Variants in POLR3E observed in about 807,000 individuals in gnomAD.
POLR3E encodes the protein DNA-directed RNA polymerase III subunit RPC5.
A neutral mutation model predicts 96.6 loss-of-function variants in POLR3E; 41 were observed. That is an observed-to-expected ratio of 0.42 (90% CI 0.33 to 0.55). The LOEUF (loss-of-function observed/expected upper bound fraction) is 0.55. Ranked by LOEUF, POLR3E falls within the 20% of genes least tolerant of loss-of-function variation. The pLI, the probability that POLR3E is intolerant of heterozygous loss-of-function variation, is 0.06. For synonymous variants in POLR3E, 396 were observed against 383.6 expected, an observed-to-expected ratio of 1.03 and a Z score of -0.38; for missense variants, 849 against 952.1, an observed-to-expected ratio of 0.89 and a Z score of 1.43.
chr16:22,321,639 TGCA>T (rs1244040980), intron 13 of POLR3E, among the ~76,000 whole-genome samples: 4 of 152,228 alleles, frequency 2.6e-5, no homozygotes, highest in Non-Finnish European at 5.9e-5. Flanking sequence ...CCAAAAGTCT[TGCA>T]GCAAGGCAGC....
intron 6 of POLR3E, chr16:22,309,835 G>A (rs2048209381): frequency 5.7e-6 from 2 of 352,964 alleles, no homozygotes; most frequent in Admixed American, 4.0e-5. Flanking sequence ...TTATGACAGA[G>A]CAATTCCATT....
intron 3 of POLR3E, 44 bp from the exon 4 acceptor site, chr16:22,308,104 A>C (rs1320961213): frequency 2.0e-6 from 3 of 1,474,844 alleles, no homozygotes; most frequent in Non-Finnish European, 2.8e-6. Context: ...AGCTCTGGGC[A>C]TGGCTGGGCA....
At position 22,313,063 on chromosome 16, in the gene POLR3E, C is replaced by T. The variant is rs1051062742; in HGVS notation, c.365-557C>T. ...TTCTTGAAAGCCACATCCCTTGCAG[C>T]GGGAGGGAAAGTCATGATCTTTATC... On this transcript the variant is annotated intron_variant, in intron 6 of 20. Coordinates refer to ENST00000299853, the MANE Select transcript of POLR3E (RefSeq NM_018119.4). The surrounding 1 kb of genome is among the most constrained non-coding windows in gnomAD (Gnocchi z 4.1). Among the ~76,000 whole-genome samples the T allele has an allele frequency of 1.3e-5, 2 of 152,014 alleles. No individual in the cohort carries two copies. Among genetic ancestry groups the T allele is most frequent in the Non-Finnish European group, 2.9e-5 (2 of 68,012 alleles).
chr16:22,325,098 G>T (rs912765069), intron 16 of POLR3E, 107 bp from the exon 17 acceptor site: 34 of 868,152 alleles, frequency 3.9e-5, no homozygotes, highest in Admixed American at 2.8e-4. Context: ...CCAAGCCTGC[G>T]CTGTCAGTAA....
chr16:22,313,574 T>C lies in POLR3E; in HGVS notation c.365-46T>C. The C allele has an allele frequency of 7.5e-7, 1 of 1,325,400 alleles. No homozygotes were observed. The highest frequency in any genetic ancestry group is 1.1e-6 in the Non-Finnish European group (1 of 919,608). 82.1% of individuals were successfully genotyped at this position (1,325,400 alleles called of 1,614,324 possible). ...ACTTGGTGACTCTCTTGAGCCAAACTGGGTGGGTTTCTAGAGTTGAGTCCA... is the reference window on the plus strand; with the variant it reads ...ACTTGGTGACTCTCTTGAGCCAAACCGGGTGGGTTTCTAGAGTTGAGTCCA... On this transcript the variant is annotated intron_variant, in intron 6 of 20. Transcript: ENST00000299853. This position sits in a 1 kb window ranked among gnomAD's most constrained non-coding sequence, Gnocchi z 4.1.
chr16:22,328,472 A>C, intron 18 of POLR3E, 38 bp from the exon 19 acceptor site: 15 of 1,534,900 alleles, frequency 9.8e-6, no homozygotes, highest in African/African-American at 1.4e-5. Flanking sequence ...TCCATGGGGT[A>C]GAGATGGACA....
At position 22,322,325 on chromosome 16, in the gene POLR3E, CCCGGCCT is replaced by C. The variant is rs1332095760; in HGVS notation, c.987-524_987-518del. Among the ~76,000 whole-genome samples the C allele has an allele frequency of 6.6e-6, 1 of 152,130 alleles. No individual in the cohort carries two copies. Among genetic ancestry groups the C allele is most frequent in the East Asian group, 1.9e-4 (1 of 5,192 alleles). ...ATTCTCGTGCCCTGCTGTCCAAGGC[CCCGGCCT>C]TTCCTCTGAAGTTCCCTGAACCTTG... On this transcript the variant is annotated intron_variant, in intron 13 of 20. Transcript: ENST00000299853. This position sits in a 1 kb window ranked among gnomAD's most constrained non-coding sequence, Gnocchi z 5.2.
At chr16:22,311,648 C>T (rs117510172) in intron 6 of POLR3E, among the ~76,000 whole-genome samples, 2,452 of 151,922 alleles carry the variant, frequency 0.016, 90 homozygotes, top group East Asian at 0.1. Context: ...CATGCCACCA[C>T]ATCTGGCTAA....
chr16:22,304,799 TAG>T (rs1156602557), intron 2 of POLR3E, among the ~76,000 whole-genome samples: 10 of 152,274 alleles, frequency 6.6e-5, no homozygotes, highest in Non-Finnish European at 1.5e-5. Flanking sequence ...GGCACAGGCC[TAG>T]GTGAGCCCTC....
rs773689740 is a variant in POLR3E at position 22,302,921 on chromosome 16, T to A, written c.-38-10T>A. 1 of 1,578,070 alleles carries A rather than the reference T, an allele frequency of 6.3e-7. No homozygotes were observed. On this transcript the variant is annotated splice_polypyrimidine_tract_variant and intron_variant, in intron 1 of 20. Transcript: ENST00000299853. ...GACTGATGGTCCCAGTCTCTCGCCC[T>A]CCTTTGCAGATCGAGCTGAAGGACT... is the stretch of plus-strand genomic sequence containing the variant.
intron 9 of POLR3E, 75 bp from the exon 10 acceptor site, chr16:22,316,526 G>A: frequency 8.9e-7 from 1 of 1,128,604 alleles, no homozygotes; most frequent in Non-Finnish European, 1.3e-6. Flanking sequence ...GTGGAAGACG[G>A]GAGGCCTTGG....
rs990954982 is a variant in POLR3E, at chr16:22,320,231, A to G, written c.986+1285A>G. Among the ~76,000 whole-genome samples, 18 of 152,056 alleles carry G rather than the reference A, an allele frequency of 1.2e-4. 1 individual carries two copies. The highest frequency in any genetic ancestry group is 1.2e-3 in the Admixed American group (18 of 15,266). ...TCTTCTCTAGTGTTCCAATTTTAGT[A>G]TATGTACTGCCGAAGAGAGCACAGG... is the stretch of plus-strand genomic sequence containing the variant. On this transcript the variant is annotated intron_variant, in intron 13 of 20. Coordinates refer to ENST00000299853, the MANE Select transcript of POLR3E (RefSeq NM_018119.4).
intron 1 of POLR3E, among the ~76,000 whole-genome samples, chr16:22,301,399 TG>T (rs1425139066): frequency 6.6e-6 from 1 of 151,966 alleles, no homozygotes; most frequent in Non-Finnish European, 1.5e-5. Flanking sequence ...CTGGCCAATA[TG>T]GCAAAGCCCC....
intron 17 of POLR3E, 63 bp from the exon 18 acceptor site, chr16:22,325,698 C>T: frequency 6.7e-7 from 1 of 1,494,512 alleles, no homozygotes. Flanking sequence ...CCGCGGTCCC[C>T]TGCTGGGCTT....
intron 3 of POLR3E, 73 bp downstream of exon 3, chr16:22,305,279 C>T: frequency 9.0e-7 from 1 of 1,107,564 alleles, no homozygotes; most frequent in Non-Finnish European, 1.4e-6. Flanking sequence ...GGAACACGGG[C>T]AGGAAACGAT....
rs1174101121 is a variant in POLR3E at position 22,316,700 on chromosome 16, G to C, written c.728+14G>C. The C allele has an allele frequency of 6.2e-7, 1 of 1,608,986 alleles. No homozygotes were observed. Among genetic ancestry groups the C allele is most frequent in the Admixed American group, 1.7e-5 (1 of 60,022 alleles). On this transcript the variant is annotated intron_variant, in intron 10 of 20. Transcript: ENST00000299853. ...CAAGTCACCCAGGTGGGATGGGCTGGGCCAGCATGCAAACTGGATGCCTGC... is the reference window on the plus strand; with the variant it reads ...CAAGTCACCCAGGTGGGATGGGCTGCGCCAGCATGCAAACTGGATGCCTGC...
In POLR3E at chr16:22,324,566, TGGGAGTTCATTCTGCCTTATGATG is replaced by T; in HGVS notation, c.1203_1226del (p.Leu402_Ile409del). ...GGCCGTGGTGAGGATCAACAAAGGCTGGGAGTTCATTCTGCCTTATGATGGGGAGTTCATCAAGAAGCACCCGGA... is the reference window on the plus strand; with the variant it reads ...GGCCGTGGTGAGGATCAACAAAGGCTGGGAGTTCATCAAGAAGCACCCGGA... On this transcript the variant is annotated inframe_deletion, in exon 16 of 21. Coordinates refer to ENST00000299853, the MANE Select transcript of POLR3E (RefSeq NM_018119.4). 6.2e-7 allele frequency: 1 copy of T among 1,613,208 alleles called. No homozygotes were observed. Among genetic ancestry groups the T allele is most frequent in the Non-Finnish European group, 8.5e-7 (1 of 1,179,656 alleles).
At chr16:22,319,556 C>T (rs1598262901) in intron 13 of POLR3E, among the ~76,000 whole-genome samples, 3 of 152,008 alleles carry the variant, frequency 2.0e-5, no homozygotes, top group South Asian at 2.1e-4. Flanking sequence ...CCCGCCACCA[C>T]GCCCAGCTAA....
intron 13 of POLR3E, among the ~76,000 whole-genome samples, chr16:22,320,205 A>G (rs897019167): frequency 9.2e-5 from 14 of 152,052 alleles, no homozygotes; most frequent in African/African-American, 1.5e-4. Context: ...TAATTTGCCA[A>G]TCTTCTCTAG....
Sources: gnomAD v4.1 joint callset for allele counts (sites outside exome capture counted in the v4.1 genomes callset) on GRCh38, gnomAD v4.1.1 for gene constraint, Gnocchi (gnomAD v3.1) non-coding constraint, MANE v1.5 for transcripts, NCBI Gene and HGNC (gene_info 2026-07-23, HGNC 2026-07-21) for gene names.